The following WWOX variants were observed in gnomAD, a reference collection of about 807,000 sequenced individuals.
The protein encoded by WWOX is WW domain containing oxidoreductase.
In WWOX, 69 loss-of-function variants were observed where a neutral mutation model predicts 46.2. That is an observed-to-expected ratio of 1.49 (90% CI 1.23 to 1.82). The LOEUF is 1.82. Ranked by LOEUF, WWOX falls within the 40% of genes most tolerant of loss-of-function variation. The pLI is 0.00. For missense variants in WWOX, 919 were observed against 542.6 expected (o/e 1.69, Z -6.89); for synonymous variants, 359 against 202.6 (o/e 1.77, Z -6.56).
intron 4 of WWOX, among the ~76,000 whole-genome samples, chr16:78,138,813 T>A (rs961129236): frequency 6.6e-6 from 1 of 152,172 alleles, no homozygotes; most frequent in Non-Finnish European, 1.5e-5. Flanking sequence ...ACTCCACGGA[T>A]GTGAGTGGGG....
chr16:78,879,644 G>A (rs1396348596), intron 8 of WWOX, among the ~76,000 whole-genome samples: 2 of 152,136 alleles, frequency 1.3e-5, no homozygotes, highest in African/African-American at 4.8e-5. Flanking sequence ...TTGGGAGGCC[G>A]AGGCAGGCGG....
chr16:78,916,201 C>T (rs544470283), intron 8 of WWOX, among the ~76,000 whole-genome samples: 1 of 152,282 alleles, frequency 6.6e-6, no homozygotes, highest in South Asian at 2.1e-4. Context: ...CTTATGCTGA[C>T]AGTAGGGAGG....
At chr16:78,905,975 A>T (rs940867588) in intron 8 of WWOX, among the ~76,000 whole-genome samples, 1 of 152,220 alleles carries the variant, frequency 6.6e-6, no homozygotes, top group African/African-American at 2.4e-5. Context: ...AAGTAGCTGC[A>T]TGCTTGCCAC....
intron 8 of WWOX, among the ~76,000 whole-genome samples, chr16:78,544,031 T>C (rs1303111346): frequency 6.6e-6 from 1 of 152,150 alleles, no homozygotes; most frequent in Non-Finnish European, 1.5e-5. Context: ...CTTCTAGTAG[T>C]AGGGCTTAGA....
chr16:78,734,650 C>T (rs2049042975), intron 8 of WWOX, among the ~76,000 whole-genome samples: 1 of 151,856 alleles, frequency 6.6e-6, no homozygotes, highest in Non-Finnish European at 1.5e-5. Context: ...TTTGGTCAAA[C>T]ATCACTCTGG....
At chr16:78,922,482 G>A (rs12444287) in intron 8 of WWOX, among the ~76,000 whole-genome samples, 81,310 of 151,292 alleles carry the variant, frequency 0.54, 24,997 homozygotes, top group Non-Finnish European at 0.67. Flanking sequence ...GGGTTCAAGC[G>A]ATTCTCGTGC....
chr16:79,145,820 G>GA (rs756241222), intron 8 of WWOX, among the ~76,000 whole-genome samples: 4 of 151,924 alleles, frequency 2.6e-5, no homozygotes, highest in Admixed American at 1.3e-4. Context: ...GATGGAGATA[G>GA]AAAAAAACCC....
intron 8 of WWOX, among the ~76,000 whole-genome samples, chr16:79,031,703 T>A (rs887625970): frequency 6.7e-6 from 1 of 148,962 alleles, no homozygotes; most frequent in African/African-American, 2.4e-5. Context: ...GGATGTATTT[T>A]TTCTAGTTTT....
At chr16:79,128,864 G>A (rs1158156608) in intron 8 of WWOX, among the ~76,000 whole-genome samples, 1 of 152,144 alleles carries the variant, frequency 6.6e-6, no homozygotes, top group Non-Finnish European at 1.5e-5. Context: ...TTGTGATTCA[G>A]TTGCCCAAGC....
At chr16:78,623,708 C>T (rs1349201756) in intron 8 of WWOX, among the ~76,000 whole-genome samples, 1 of 146,998 alleles carries the variant, frequency 6.8e-6, no homozygotes, top group Non-Finnish European at 1.5e-5. Flanking sequence ...CACCTCCAGC[C>T]TGGGCAACAG....
chr16:79,008,002 A>G lies in WWOX; in HGVS notation c.1057-203606A>G, dbSNP rs1047438589. Among the ~76,000 whole-genome samples, 14 of 152,212 alleles carry G rather than the reference A, an allele frequency of 9.2e-5. No homozygotes were observed. In the South Asian group the frequency reaches 2.9e-3, roughly 31 times the overall value. ...TATATTTGTTATCTCATAGCTCCAT[A>G]GGTTAAAAGTCCTGGTTCAGGCTGG... On this transcript the variant is annotated intron_variant, in intron 8 of 8. Coordinates refer to ENST00000566780, the MANE Select transcript of WWOX (RefSeq NM_016373.4).
intron 5 of WWOX, among the ~76,000 whole-genome samples, chr16:78,207,337 C>G (rs1210320630): frequency 6.6e-6 from 1 of 152,070 alleles, no homozygotes; most frequent in Non-Finnish European, 1.5e-5. Flanking sequence ...ATCATAGAAT[C>G]TTAAAAATTA....
intron 5 of WWOX, among the ~76,000 whole-genome samples, chr16:78,205,885 C>CTTCCTCCT (rs2036377465): frequency 6.6e-6 from 1 of 151,408 alleles, no homozygotes; most frequent in African/African-American, 2.4e-5. Flanking sequence ...CCCTTCCTCC[C>CTTCCTCCT]ATCCTCCCTT....
chr16:78,612,877 C>T (rs1441914715), intron 8 of WWOX, among the ~76,000 whole-genome samples: 1 of 152,110 alleles, frequency 6.6e-6, no homozygotes, highest in African/African-American at 2.4e-5. Flanking sequence ...CAGCATAGTC[C>T]CTTAGGGTAA....
intron 8 of WWOX, among the ~76,000 whole-genome samples, chr16:78,978,159 A>G (rs1304861344): frequency 6.6e-6 from 1 of 152,200 alleles, no homozygotes; most frequent in Non-Finnish European, 1.5e-5. Context: ...ACATTGTGGC[A>G]TGTATCAGTA....
intron 5 of WWOX, among the ~76,000 whole-genome samples, chr16:78,314,812 A>C (rs936857247): frequency 2.2e-4 from 32 of 146,866 alleles, no homozygotes; most frequent in African/African-American, 8.2e-4. Context: ...TTGGCCTCCC[A>C]AAGTGCTGGG....
chr16:78,454,701 T>G (rs910656800), intron 8 of WWOX, among the ~76,000 whole-genome samples: 7 of 152,066 alleles, frequency 4.6e-5, no homozygotes, highest in African/African-American at 9.7e-5. Context: ...GCAAGGTTGT[T>G]GATCAGGCTG....
At chr16:78,599,717 A>AGT (rs2045575937) in intron 8 of WWOX, among the ~76,000 whole-genome samples, 1 of 152,106 alleles carries the variant, frequency 6.6e-6, no homozygotes, top group Non-Finnish European at 1.5e-5. Flanking sequence ...GTGTTTAGGA[A>AGT]GTGGGGTGTG....
chr16:78,866,537 A>T (rs1258115953), intron 8 of WWOX, among the ~76,000 whole-genome samples: 1 of 152,136 alleles, frequency 6.6e-6, no homozygotes, highest in Non-Finnish European at 1.5e-5. Context: ...TGAGCTATCG[A>T]TAAAAGCTAA....
Sources: allele counts gnomAD v4.1 joint callset (sites outside exome capture counted in the v4.1 genomes callset), GRCh38; gene constraint gnomAD v4.1.1; transcripts MANE v1.5; gene names NCBI Gene and HGNC (gene_info 2026-07-23, HGNC 2026-07-21).